SLC9A9: variants seen among roughly 807,000 people sequenced by gnomAD.
SLC9A9 encodes the protein sodium/hydrogen exchanger 9.
SLC9A9 carries 62 observed loss-of-function variants against 77.8 expected under a neutral mutation model. That is an observed-to-expected ratio of 0.80 (90% CI 0.65 to 0.98). SLC9A9 has a LOEUF of 0.98. Among genes scored for constraint, SLC9A9 ranks in the 50% least tolerant of loss-of-function variants. The pLI is 0.00. For synonymous variants in SLC9A9, 320 were observed against 283.5 expected, an observed-to-expected ratio of 1.13 and a Z score of -1.29; for missense variants, 775 against 774.9, an observed-to-expected ratio of 1.00 and a Z score of 0.00.
chr3:143,762,214 A>C (rs896262888), intron 4 of SLC9A9, among the ~76,000 whole-genome samples: 21 of 152,174 alleles, frequency 1.4e-4, no homozygotes, highest in Admixed American at 1.2e-3. Flanking sequence ...GGGGGAAGGG[A>C]TAGCATTAGG....
intron 14 of SLC9A9, among the ~76,000 whole-genome samples, chr3:143,352,077 G>A (rs2032469256): frequency 1.3e-5 from 2 of 152,210 alleles, no homozygotes; most frequent in Non-Finnish European, 2.9e-5. Flanking sequence ...AGAGCCTGCA[G>A]TGCACACAGT....
chr3:143,613,796 T>C (rs1252304595), intron 6 of SLC9A9, among the ~76,000 whole-genome samples: 1 of 152,124 alleles, frequency 6.6e-6, no homozygotes, highest in Non-Finnish European at 1.5e-5. Flanking sequence ...GCAATAATTA[T>C]AATTTTTTAT....
chr3:143,796,164 T>C (rs2008379427), intron 3 of SLC9A9, among the ~76,000 whole-genome samples: 1 of 152,210 alleles, frequency 6.6e-6, no homozygotes, highest in South Asian at 2.1e-4. Flanking sequence ...GAATTACTAA[T>C]GTACAAAATG....
intron 2 of SLC9A9, among the ~76,000 whole-genome samples, chr3:143,818,487 A>G (rs748916772): frequency 6.6e-6 from 1 of 152,014 alleles, no homozygotes; most frequent in Non-Finnish European, 1.5e-5. Flanking sequence ...TTGTATTTTC[A>G]GTAGAGACTG....
chr3:143,815,879 AC>A, intron 2 of SLC9A9, among the ~76,000 whole-genome samples: 1 of 152,234 alleles, frequency 6.6e-6, no homozygotes, highest in East Asian at 1.9e-4. Flanking sequence ...AAACAAACAA[AC>A]AAACAAACAA....
chr3:143,395,051 C>T (rs570095587), intron 12 of SLC9A9, among the ~76,000 whole-genome samples: 6 of 152,228 alleles, frequency 3.9e-5, no homozygotes, highest in African/African-American at 1.4e-4. Context: ...TCAATGCCAT[C>T]CCCATCAAGC....
intron 12 of SLC9A9, among the ~76,000 whole-genome samples, chr3:143,388,140 T>C (rs1027111451): frequency 6.6e-6 from 1 of 151,592 alleles, no homozygotes; most frequent in African/African-American, 2.4e-5. Context: ...AATGGAGGAG[T>C]CTGAAAGATA....
chr3:143,579,655 C>G (rs1576589130), intron 6 of SLC9A9, among the ~76,000 whole-genome samples: 1 of 151,988 alleles, frequency 6.6e-6, no homozygotes, highest in Admixed American at 6.6e-5. Flanking sequence ...AAAAACTAAT[C>G]AGGAAAAATC....
intron 6 of SLC9A9, among the ~76,000 whole-genome samples, chr3:143,648,890 G>A (rs531796490): frequency 6.6e-6 from 1 of 152,286 alleles, no homozygotes; most frequent in Admixed American, 6.5e-5. Flanking sequence ...GGGAAATGCT[G>A]GCAGCCATCT....
intron 9 of SLC9A9, among the ~76,000 whole-genome samples, chr3:143,543,860 G>T (rs1339759390): frequency 1.3e-5 from 2 of 152,052 alleles, no homozygotes; most frequent in Admixed American, 1.3e-4. Context: ...ATGAATGCAT[G>T]ATTTTTCATA....
At chr3:143,309,417 CAAAA>C (rs10569058) in intron 14 of SLC9A9, among the ~76,000 whole-genome samples, 24 of 137,342 alleles carry the variant, frequency 1.7e-4, no homozygotes, top group Admixed American at 2.2e-4. Flanking sequence ...AACAGAAAAG[CAAAA>C]AAAAAAAAAA....
At chr3:143,480,111 G>T (rs1251879901) in intron 11 of SLC9A9, among the ~76,000 whole-genome samples, 1 of 152,214 alleles carries the variant, frequency 6.6e-6, no homozygotes, top group Non-Finnish European at 1.5e-5. Context: ...GTTCCAGGTG[G>T]CTGAGCCAGC....
chr3:143,643,908 G>A (rs945038493), intron 6 of SLC9A9, among the ~76,000 whole-genome samples: 6 of 147,484 alleles, frequency 4.1e-5, no homozygotes, highest in African/African-American at 1.5e-4. Context: ...TCTGATACAA[G>A]CAGAGGCAAA....
At chr3:143,346,223 C>T (rs1041491328) in intron 14 of SLC9A9, among the ~76,000 whole-genome samples, 6 of 152,094 alleles carry the variant, frequency 3.9e-5, no homozygotes, top group Non-Finnish European at 8.8e-5. Context: ...TTTGCCTTTT[C>T]ACTTGGCTAA....
chr3:143,529,379 T>C (rs1284510672), intron 9 of SLC9A9, among the ~76,000 whole-genome samples: 1 of 152,262 alleles, frequency 6.6e-6, no homozygotes, highest in Non-Finnish European at 1.5e-5. Flanking sequence ...GCCTGAGTTC[T>C]ATTAAAACAT....
At chr3:143,838,918 TA>T (rs2009639271) in intron 1 of SLC9A9, among the ~76,000 whole-genome samples, 1 of 152,252 alleles carries the variant, frequency 6.6e-6, no homozygotes, top group South Asian at 2.1e-4. Flanking sequence ...TTTAACTTTT[TA>T]TTTGATATTT....
At chr3:143,570,938 T>C (rs2037247185) in intron 8 of SLC9A9, among the ~76,000 whole-genome samples, 1 of 152,180 alleles carries the variant, frequency 6.6e-6, no homozygotes, top group Non-Finnish European at 1.5e-5. Flanking sequence ...TGGATTACCT[T>C]GGGTGTACGA....
chr3:143,586,232 G>C (rs951625957), intron 6 of SLC9A9, among the ~76,000 whole-genome samples: 1 of 152,230 alleles, frequency 6.6e-6, no homozygotes, highest in Non-Finnish European at 1.5e-5. Flanking sequence ...CTGCTGGGGA[G>C]ACTTGCTGCT....
Position 143,832,118 on chromosome 3 carries a change from C to G in SLC9A9, c.279G>C (p.Leu93=), listed in dbSNP as rs1285081560. ...CVKLTFSPST[L]LVNITDQVYE... ...AAACTTGGTCAGTGATATTAACCAG[C>G]AGAGTTGATGGACTGAAAGTTAGTT... The change falls in exon 2 of 16, where the codon CTG becomes CTC. Residue 93 remains leucine, a synonymous_variant. Coordinates refer to ENST00000316549, the MANE Select transcript of SLC9A9 (RefSeq NM_173653.4). 6.2e-7 allele frequency: 1 copy of G among 1,613,074 alleles called. No homozygotes were observed. Among genetic ancestry groups the G allele is most frequent in the East Asian group, 2.2e-5 (1 of 44,776 alleles).
Sources: gnomAD v4.1 joint callset for allele counts (sites outside exome capture counted in the v4.1 genomes callset) on GRCh38, gnomAD v4.1.1 for gene constraint, MANE v1.5 for transcripts, NCBI Gene and HGNC (gene_info 2026-07-23, HGNC 2026-07-21) for gene names.